The following GRIA3 variants were observed in gnomAD, a reference collection of about 807,000 sequenced individuals.
GRIA3 encodes glutamate receptor 3.
GRIA3 carries 3 observed loss-of-function variants against 63.0 expected under a neutral mutation model. The ratio of observed to expected loss-of-function variants is 0.05; its 90% CI spans 0.02 to 0.12. The LOEUF (loss-of-function observed/expected upper bound fraction) is 0.12, where lower values mean the gene tolerates loss of function less well. Ranked by LOEUF, GRIA3 falls within the 10% of genes least tolerant of loss-of-function variation. The pLI is 1.00. For missense variants in GRIA3, 347 were observed against 700.9 expected, an observed-to-expected ratio of 0.50 and a Z score of 5.70; for synonymous variants, 274 against 257.9, an observed-to-expected ratio of 1.06 and a Z score of -0.60.
At chrX:123,364,625 T>C (rs1475033276) in intron 5 of GRIA3, among the ~76,000 whole-genome samples, 1 of 112,341 alleles carries the variant, frequency 8.9e-6, no homozygotes, top group Non-Finnish European at 1.9e-5. Context: ...TGGGCATATA[T>C]CCAAAAGAAA....
chrX:123,479,756 G>A (rs1227005710), intron 13 of GRIA3, among the ~76,000 whole-genome samples: 1 of 112,064 alleles, frequency 8.9e-6, no homozygotes, highest in East Asian at 2.8e-4. Flanking sequence ...TGCCGCCGAC[G>A]ATTGTCACCT....
intron 10 of GRIA3, among the ~76,000 whole-genome samples, chrX:123,414,247 T>C (rs1187424372): frequency 9.0e-6 from 1 of 111,209 alleles, no homozygotes; most frequent in Non-Finnish European, 1.9e-5. Context: ...TTTTGTCTGT[T>C]AGTAAATAGG....
At chrX:123,479,364 T>C (rs1444714763) in intron 13 of GRIA3, among the ~76,000 whole-genome samples, 3 of 112,031 alleles carry the variant, frequency 2.7e-5, no homozygotes, top group East Asian at 5.6e-4. Context: ...TTTTACATTG[T>C]TGAAAATACT....
At chrX:123,295,751 T>C (rs1201015957) in intron 3 of GRIA3, among the ~76,000 whole-genome samples, 4 of 111,232 alleles carry the variant, frequency 3.6e-5, no homozygotes, top group East Asian at 2.8e-4. Context: ...TTGTTTCTGA[T>C]TGGGTTTTTG....
At chrX:123,453,194 T>C (rs750945516) in intron 12 of GRIA3, among the ~76,000 whole-genome samples, 13 of 111,847 alleles carry the variant, frequency 1.2e-4, no homozygotes, top group Admixed American at 5.7e-4. Flanking sequence ...ATATACACCA[T>C]GGAATACTAC....
intron 4 of GRIA3, among the ~76,000 whole-genome samples, chrX:123,343,940 G>A (rs766908317): frequency 1.8e-5 from 2 of 110,751 alleles, no homozygotes; most frequent in Non-Finnish European, 3.8e-5. Flanking sequence ...TATTGCAGTT[G>A]TTCTGTTAGG....
chrX:123,430,932 G>C (rs2045614429), intron 12 of GRIA3, among the ~76,000 whole-genome samples: 1 of 110,546 alleles, frequency 9.0e-6, no homozygotes, highest in African/African-American at 3.3e-5. Flanking sequence ...GCAGTGAGCT[G>C]AGATCTTGCC....
Position 123,482,804 on chromosome X carries a change from G to A in GRIA3, c.2445G>A (p.Lys815=). ...CGAKDSGSKD[K]TSALSLSNVA... ...ACGTTGTTCATTTCTCTTAGGACAA[G>A]ACCAGCGCTCTGAGCCTGAGCAATG... Residue 815 remains lysine, a synonymous_variant, in exon 15 of 16, where the codon AAG becomes AAA. Coordinates refer to ENST00000620443, the MANE Select transcript of GRIA3 (RefSeq NM_007325.5). 8.3e-7 allele frequency: 1 copy of A among 1,210,930 alleles called. No homozygotes were observed. Among genetic ancestry groups the A allele is most frequent in the Non-Finnish European group, 1.1e-6 (1 of 894,647 alleles).
intron 12 of GRIA3, among the ~76,000 whole-genome samples, chrX:123,463,889 TTTG>T (rs1341493624): frequency 1.8e-5 from 2 of 109,285 alleles, no homozygotes; most frequent in Admixed American, 9.7e-5. Flanking sequence ...GAAGCAAAAG[TTTG>T]TTGTTGTTGT....
intron 3 of GRIA3, among the ~76,000 whole-genome samples, chrX:123,256,312 G>A (rs2044419659): frequency 9.0e-6 from 1 of 111,348 alleles, no homozygotes; most frequent in Admixed American, 9.6e-5. Context: ...TAATGATGGA[G>A]ATAGACAAAA....
At chrX:123,449,387 C>A (rs1365206744) in intron 12 of GRIA3, among the ~76,000 whole-genome samples, 1 of 112,280 alleles carries the variant, frequency 8.9e-6, no homozygotes, top group Non-Finnish European at 1.9e-5. Flanking sequence ...ATTGCCTTGA[C>A]CCCAATGGTA....
intron 5 of GRIA3, among the ~76,000 whole-genome samples, chrX:123,393,020 C>T (rs1296649230): frequency 1.8e-5 from 2 of 112,190 alleles, no homozygotes; most frequent in African/African-American, 6.5e-5. Flanking sequence ...AACACTGAGT[C>T]TTATTTTCCC....
intron 5 of GRIA3, among the ~76,000 whole-genome samples, chrX:123,388,381 G>A (rs1251526948): frequency 1.8e-5 from 2 of 111,081 alleles, no homozygotes; most frequent in African/African-American, 6.6e-5. Context: ...GAGTAGATGG[G>A]ATTATAGGTG....
chrX:123,434,219 C>G (rs1569436067), intron 12 of GRIA3, among the ~76,000 whole-genome samples: 1 of 111,891 alleles, frequency 8.9e-6, no homozygotes, highest in African/African-American at 3.2e-5. Flanking sequence ...CACAACAGAC[C>G]TCCCTGACAC....
chrX:123,199,259 T>A (rs1350408030), intron 2 of GRIA3, among the ~76,000 whole-genome samples: 7 of 106,052 alleles, frequency 6.6e-5, no homozygotes, highest in African/African-American at 2.5e-4. Context: ...ACCACCAGAC[T>A]TTTTAGTCTT....
chrX:123,185,893 A>G lies in GRIA3; in HGVS notation c.171A>G (p.Leu57=), dbSNP rs370926170. ...EHSAFRFAVQ[L]YNTNQNTTEK... ...GCGCTTTCCGCTTTGCCGTGCAGTTATACAACACCAACCAGAACACCACCG... is the reference window on the plus strand; with the variant it reads ...GCGCTTTCCGCTTTGCCGTGCAGTTGTACAACACCAACCAGAACACCACCG... The change falls in exon 2 of 16, where the codon TTA becomes TTG. Residue 57 remains leucine, a synonymous_variant. Coordinates refer to ENST00000620443, the MANE Select transcript of GRIA3 (RefSeq NM_007325.5). 1 of 1,202,924 alleles carries G rather than the reference A, an allele frequency of 8.3e-7. No individual in the cohort carries two copies. Among genetic ancestry groups the G allele is most frequent in the African/African-American group, 1.8e-5 (1 of 56,712 alleles).
At chrX:123,231,730 T>C (rs776623990) in intron 2 of GRIA3, among the ~76,000 whole-genome samples, 62 of 110,600 alleles carry the variant, frequency 5.6e-4, no homozygotes, top group Middle Eastern at 4.7e-3. Flanking sequence ...GAAGAGAACA[T>C]TCTAGATGGC....
At chrX:123,192,628 TC>T (rs34035595) in intron 2 of GRIA3, among the ~76,000 whole-genome samples, 1 of 111,722 alleles carries the variant, frequency 9.0e-6, no homozygotes, top group Non-Finnish European at 1.9e-5. Context: ...TATCTGGACC[TC>T]CCTGTTCCTC....
intron 3 of GRIA3, among the ~76,000 whole-genome samples, chrX:123,323,449 G>A (rs1031549181): frequency 1.8e-5 from 2 of 112,030 alleles, no homozygotes; most frequent in Non-Finnish European, 3.8e-5. Context: ...AATTTTAAAT[G>A]TCTGTGACAT....
Sources: allele counts gnomAD v4.1 joint callset (sites outside exome capture counted in the v4.1 genomes callset), GRCh38; gene constraint gnomAD v4.1.1; transcripts MANE v1.5; gene names NCBI Gene and HGNC (gene_info 2026-07-23, HGNC 2026-07-21).